SPEF2: variants seen among roughly 807,000 people sequenced by gnomAD.
The protein encoded by SPEF2 is sperm flagella and cilia-associated protein 2.
In SPEF2, 187 loss-of-function variants were observed where a neutral mutation model predicts 224.6. That is an observed-to-expected ratio of 0.83 (90% CI 0.74 to 0.94). SPEF2 has a LOEUF of 0.94. Ranked by LOEUF, SPEF2 falls within the 40% of genes least tolerant of loss-of-function variation. SPEF2 has a pLI of 0.00. For synonymous variants in SPEF2, 715 were observed against 707.3 expected (o/e 1.01, Z -0.17); for missense variants, 2,170 against 2,135.6 (o/e 1.02, Z -0.32).
chr5:35,780,067 A>G (rs1369517121), intron 30 of SPEF2, among the ~76,000 whole-genome samples: 2 of 152,178 alleles, frequency 1.3e-5, no homozygotes, highest in East Asian at 3.9e-4. Flanking sequence ...AGAGGAGTTT[A>G]GCAGATTTTT....
chr5:35,807,735 C>A, intron 36 of SPEF2: 1 of 1,536,000 alleles, frequency 6.5e-7, no homozygotes. Context: ...AAACTAAGGA[C>A]AAACCCCAGA....
chr5:35,648,438 G>A (rs1747722101), intron 5 of SPEF2, among the ~76,000 whole-genome samples: 1 of 150,502 alleles, frequency 6.6e-6, no homozygotes, highest in South Asian at 2.1e-4. Context: ...AGGCTGGAGT[G>A]CAGTGGTAAA....
chr5:35,814,408 AGTATT>A lies in SPEF2; in HGVS notation c.5380-54_5380-50del, dbSNP rs2149883175. 5.1e-6 allele frequency: 5 copies of A among 981,832 alleles called. No individual in the cohort carries two copies. In the South Asian group the frequency reaches 6.1e-5, roughly 12 times the overall value. The allele number at this position is 981,832 out of a possible 1,614,324, so 60.8% of individuals were successfully genotyped here. ...TCATTTATTAGTATTTGTATAGTAT[AGTATT>A]GATCATCCTTTATTAGTATTTGTAA... On this transcript the variant is annotated intron_variant, in intron 36 of 36. Coordinates refer to ENST00000356031, the MANE Select transcript of SPEF2 (RefSeq NM_024867.4).
intron 30 of SPEF2, chr5:35,788,166 C>A (rs1226951700): frequency 2.8e-6 from 2 of 702,942 alleles, no homozygotes; most frequent in Admixed American, 4.0e-5. Flanking sequence ...ATGGAAGCAA[C>A]AAGTAGCTCT....
At chr5:35,695,432 C>T (rs1027308693) in intron 13 of SPEF2, among the ~76,000 whole-genome samples, 1 of 151,692 alleles carries the variant, frequency 6.6e-6, no homozygotes, top group Admixed American at 6.6e-5. Context: ...AAAGCGAACC[C>T]CGACTGTGTT....
intron 18 of SPEF2, among the ~76,000 whole-genome samples, chr5:35,707,949 T>C (rs1485970533): frequency 6.6e-6 from 1 of 152,198 alleles, no homozygotes; most frequent in South Asian, 2.1e-4. Flanking sequence ...ATAGCACTTA[T>C]CACCATCTTA....
chr5:35,747,748 T>A (rs1178559379), intron 23 of SPEF2, among the ~76,000 whole-genome samples: 1 of 152,076 alleles, frequency 6.6e-6, no homozygotes. Context: ...GGGACAACAA[T>A]ATTCTACTGA....
chr5:35,738,004 A>T (rs973113804), intron 21 of SPEF2, among the ~76,000 whole-genome samples: 1 of 152,114 alleles, frequency 6.6e-6, no homozygotes, highest in African/African-American at 2.4e-5. Context: ...CGGCTGCATA[A>T]ATGTCTTCTT....
At chr5:35,691,507 G>T (rs1018554431) in intron 11 of SPEF2, among the ~76,000 whole-genome samples, 7 of 152,158 alleles carry the variant, frequency 4.6e-5, no homozygotes, top group African/African-American at 7.2e-5. Context: ...GACACAAAAG[G>T]TCACATAGTG....
chr5:35,698,051 T>C (rs1050452643), intron 15 of SPEF2: 9 of 239,476 alleles, frequency 3.8e-5, no homozygotes, highest in Non-Finnish European at 5.6e-5. Flanking sequence ...GGGAATTCAA[T>C]GAGAAATTGA....
At chr5:35,654,120 C>T (rs141992308) in intron 6 of SPEF2, among the ~76,000 whole-genome samples, 2,913 of 151,544 alleles carry the variant, frequency 0.019, 109 homozygotes, top group African/African-American at 0.067. Context: ...ATTAGCCTGG[C>T]GTGGTGGCAC....
chr5:35,783,481 TA>T (rs1473179959), intron 30 of SPEF2, among the ~76,000 whole-genome samples: 1 of 152,186 alleles, frequency 6.6e-6, no homozygotes, highest in Non-Finnish European at 1.5e-5. Context: ...ATGTGCAATT[TA>T]AGTGTAATCA....
Position 35,751,119 on chromosome 5 carries a change from G to T in SPEF2, c.3331-2505G>T, listed in dbSNP as rs1353820941. 6.9e-5 allele frequency among the ~76,000 whole-genome samples: 6 copies of T among 87,140 alleles called. No individual in the cohort carries two copies. In the South Asian group the frequency reaches 1.3e-3, roughly 19 times the overall value. 57.2% of individuals were successfully genotyped at this position (87,140 alleles called of 152,430 possible). ...CACATATATATATATATATATATAT[G>T]ATGGAATGCTACTCAGCCATAAAAA... is the stretch of plus-strand genomic sequence containing the variant. On this transcript the variant is annotated intron_variant, in intron 23 of 36. Transcript: ENST00000356031.
At chr5:35,794,418 GTT>G (rs1458752739) in intron 32 of SPEF2, among the ~76,000 whole-genome samples, 1 of 152,010 alleles carries the variant, frequency 6.6e-6, no homozygotes, top group Non-Finnish European at 1.5e-5. Context: ...GAGCTCTGAG[GTT>G]TCCAGGCTCA....
At chr5:35,681,624 A>C (rs1752815830) in intron 10 of SPEF2, among the ~76,000 whole-genome samples, 1 of 152,232 alleles carries the variant, frequency 6.6e-6, no homozygotes, top group South Asian at 2.1e-4. Flanking sequence ...AAAAGGACAA[A>C]ATAAATATAA....
intron 5 of SPEF2, among the ~76,000 whole-genome samples, chr5:35,647,205 T>G (rs1747502262): frequency 6.6e-6 from 1 of 152,136 alleles, no homozygotes; most frequent in Middle Eastern, 3.2e-3. Flanking sequence ...GTCACTTATG[T>G]TTCTGAAGGT....
At chr5:35,710,428 G>C in intron 19 of SPEF2, 3 of 496,438 alleles carry the variant, frequency 6.0e-6, no homozygotes, top group Non-Finnish European at 7.8e-6. Context: ...GTGGTGGCAG[G>C]CACCTGTAAT....
intron 2 of SPEF2, among the ~76,000 whole-genome samples, chr5:35,636,699 G>C (rs562107850): frequency 1.3e-5 from 2 of 152,266 alleles, no homozygotes; most frequent in South Asian, 4.1e-4. Context: ...TCTGGGCCGG[G>C]TGTGGTGGCT....
intron 2 of SPEF2, among the ~76,000 whole-genome samples, chr5:35,637,249 C>T (rs1463396279): frequency 6.6e-6 from 1 of 152,138 alleles, no homozygotes; most frequent in African/African-American, 2.4e-5. Flanking sequence ...TGAGTTGTTA[C>T]AAGCCTTTAG....
Sources: allele counts gnomAD v4.1 joint callset (sites outside exome capture counted in the v4.1 genomes callset), GRCh38; gene constraint gnomAD v4.1.1; transcripts MANE v1.5; gene names NCBI Gene and HGNC (gene_info 2026-07-23, HGNC 2026-07-21).